Variants in SERPINI1 observed in about 807,000 individuals in gnomAD.
SERPINI1 encodes neuroserpin.
SERPINI1 carries 19 observed loss-of-function variants against 41.1 expected under a neutral mutation model. The ratio of observed to expected loss-of-function variants is 0.46; its 90% confidence interval spans 0.32 to 0.68. The LOEUF is 0.68. Among genes scored for constraint, SERPINI1 ranks in the 30% least tolerant of loss-of-function variants. The pLI is 0.03. For synonymous variants in SERPINI1, 138 were observed against 156.6 expected, an observed-to-expected ratio of 0.88 and a Z score of 0.89; for missense variants, 460 against 479.2, an observed-to-expected ratio of 0.96 and a Z score of 0.37.
chr3:167,796,623 C>T (rs1560011351), intron 5 of SERPINI1, among the ~76,000 whole-genome samples: 1 of 152,086 alleles, frequency 6.6e-6, no homozygotes, highest in Admixed American at 6.6e-5. Context: ...TTTTCTGTTC[C>T]TGTGTCAGTT....
At chr3:167,807,034 T>C (rs1314366260) in intron 5 of SERPINI1, among the ~76,000 whole-genome samples, 1 of 152,184 alleles carries the variant, frequency 6.6e-6, no homozygotes, top group Non-Finnish European at 1.5e-5. Context: ...TTCCTACTTA[T>C]GTGTTTAAAT....
chr3:167,780,137 A>G (rs1002062189), intron 1 of SERPINI1, among the ~76,000 whole-genome samples: 1 of 152,192 alleles, frequency 6.6e-6, no homozygotes. Flanking sequence ...TCAGTAAACA[A>G]CGGTTTAAAC....
intron 4 of SERPINI1, 77 bp from the exon 5 acceptor site, chr3:167,794,542 AT>A: frequency 8.5e-7 from 1 of 1,180,424 alleles, no homozygotes; most frequent in Non-Finnish European, 1.2e-6. Context: ...TATACCAAAT[AT>A]GTAGTCTTTC....
chr3:167,749,218 T>A (rs1036760218), intron 1 of SERPINI1, among the ~76,000 whole-genome samples: 3 of 151,194 alleles, frequency 2.0e-5, no homozygotes, highest in African/African-American at 7.4e-5. Context: ...CTTAAATTTT[T>A]GTTTGTGTTT....
chr3:167,760,803 A>G (rs144595411), intron 1 of SERPINI1, among the ~76,000 whole-genome samples: 29 of 152,324 alleles, frequency 1.9e-4, no homozygotes, highest in African/African-American at 5.8e-4. Context: ...GATGTAAGGC[A>G]TTAACATTTA....
intron 1 of SERPINI1, among the ~76,000 whole-genome samples, chr3:167,758,623 A>G (rs1346418634): frequency 1.3e-5 from 2 of 152,226 alleles, no homozygotes; most frequent in African/African-American, 2.4e-5. Context: ...ATCCAACCAC[A>G]TGACACTTTT....
chr3:167,807,118 AG>A (rs1711675250), intron 5 of SERPINI1, 125 bp from the exon 6 acceptor site: 1 of 699,340 alleles, frequency 1.4e-6, no homozygotes, highest in Non-Finnish European at 2.6e-6. Flanking sequence ...TGCAGTCAAA[AG>A]CCAGTTTTAG....
intron 1 of SERPINI1, among the ~76,000 whole-genome samples, chr3:167,775,287 A>C (rs907933103): frequency 6.8e-6 from 1 of 148,052 alleles, no homozygotes. Flanking sequence ...TTTGAGACAG[A>C]GTCTCGCTCT....
chr3:167,792,993 T>G (rs1449420686), intron 4 of SERPINI1, among the ~76,000 whole-genome samples: 1 of 152,160 alleles, frequency 6.6e-6, no homozygotes, highest in East Asian at 1.9e-4. Flanking sequence ...AATTTATAAG[T>G]CAACCACACC....
At chr3:167,823,743 ACC>A (rs569273238) in intron 7 of SERPINI1, among the ~76,000 whole-genome samples, 2 of 152,144 alleles carry the variant, frequency 1.3e-5, no homozygotes, top group Non-Finnish European at 2.9e-5. Context: ...ATCCCAACAT[ACC>A]CCACCTCTAT....
intron 1 of SERPINI1, among the ~76,000 whole-genome samples, chr3:167,750,496 G>C (rs1457435517): frequency 6.6e-6 from 1 of 152,186 alleles, no homozygotes; most frequent in Non-Finnish European, 1.5e-5. Flanking sequence ...ATCATGTGAA[G>C]GCTATTATTA....
intron 1 of SERPINI1, among the ~76,000 whole-genome samples, chr3:167,759,260 A>AT (rs895862668): frequency 2.6e-5 from 4 of 151,480 alleles, no homozygotes; most frequent in African/African-American, 2.4e-5. Flanking sequence ...CTGACTACAG[A>AT]TTTTTTTTTA....
chr3:167,775,011 G>C (rs567652257), intron 1 of SERPINI1, among the ~76,000 whole-genome samples: 1 of 151,976 alleles, frequency 6.6e-6, no homozygotes, highest in Non-Finnish European at 1.5e-5. Flanking sequence ...TGATGTGTAC[G>C]TATGACTAAC....
intron 5 of SERPINI1, among the ~76,000 whole-genome samples, chr3:167,798,939 C>T (rs969861496): frequency 1.3e-5 from 2 of 152,122 alleles, no homozygotes; most frequent in Non-Finnish European, 2.9e-5. Flanking sequence ...CAGCAATATG[C>T]AATATACCCA....
At chr3:167,754,377 A>G (rs1265490200) in intron 1 of SERPINI1, among the ~76,000 whole-genome samples, 3 of 152,216 alleles carry the variant, frequency 2.0e-5, no homozygotes, top group African/African-American at 4.8e-5. Context: ...CTATAATTGT[A>G]AAATGTTTAC....
intron 1 of SERPINI1, among the ~76,000 whole-genome samples, chr3:167,773,453 C>T (rs1726858480): frequency 6.6e-6 from 1 of 152,138 alleles, no homozygotes; most frequent in Non-Finnish European, 1.5e-5. Flanking sequence ...TTAACATTGG[C>T]TGATTTCCTT....
chr3:167,794,579 G>C lies in SERPINI1; in HGVS notation c.677-41G>C, dbSNP rs201733570. ...ATCTCTCGCCCCCAGCTTTTTTTAA[G>C]CTTTGATAGGCATCTTTTATGGCCT... is the stretch of plus-strand genomic sequence containing the variant. On this transcript the variant is annotated intron_variant, in intron 4 of 8. Transcript: ENST00000446050. 1,123 of 1,573,254 alleles carry C rather than the reference G, an allele frequency of 7.1e-4. 6 individuals carry two copies. The highest frequency in any genetic ancestry group is 1.0e-4 in the Non-Finnish European group (117 of 1,145,570).
At chr3:167,753,831 T>C (rs559898066) in intron 1 of SERPINI1, among the ~76,000 whole-genome samples, 1 of 152,344 alleles carries the variant, frequency 6.6e-6, no homozygotes, top group African/African-American at 2.4e-5. Flanking sequence ...AAAGAATGTA[T>C]ATTAAAAAAG....
chr3:167,781,294 C>T (rs917324524), intron 1 of SERPINI1, among the ~76,000 whole-genome samples: 44 of 152,104 alleles, frequency 2.9e-4, no homozygotes, highest in African/African-American at 9.4e-4. Context: ...ATAAAGTTTT[C>T]ACCAGTCTGT....
Sources: allele counts gnomAD v4.1 joint callset (sites outside exome capture counted in the v4.1 genomes callset), GRCh38; gene constraint gnomAD v4.1.1; transcripts MANE v1.5; gene names NCBI Gene and HGNC (gene_info 2026-07-23, HGNC 2026-07-21).